ARHGEF10: variants seen among roughly 807,000 people sequenced by gnomAD.
The protein encoded by ARHGEF10 is Rho guanine nucleotide exchange factor 10, also known as Rho guanine nucleotide exchange factor (GEF) 10.
A neutral mutation model predicts 147.4 loss-of-function variants in ARHGEF10; 140 were observed. The ratio of observed to expected loss-of-function variants is 0.95; its 90% CI spans 0.83 to 1.09. The LOEUF (loss-of-function observed/expected upper bound fraction) is 1.09, where lower values mean the gene tolerates loss of function less well. Among genes scored for constraint, ARHGEF10 ranks in the 50% least tolerant of loss-of-function variants. The probability of loss-of-function intolerance (pLI) is 0.00; values close to 1 mark genes in which losing one functional copy is unlikely to be tolerated. For synonymous variants in ARHGEF10, 902 were observed against 695.8 expected (o/e 1.30, Z -4.67); for missense variants, 2,222 against 1,752.7 (o/e 1.27, Z -4.78).
At chr8:1,837,000 A>G (rs1005186539) in intron 1 of ARHGEF10, among the ~76,000 whole-genome samples, 4 of 152,222 alleles carry the variant, frequency 2.6e-5, no homozygotes, top group African/African-American at 4.8e-5. Flanking sequence ...TATAAGTCCA[A>G]TTAAAGCTCT....
intron 1 of ARHGEF10, among the ~76,000 whole-genome samples, chr8:1,835,095 A>G (rs4617201): frequency 0.59 from 90,304 of 152,210 alleles, 27,112 homozygotes; most frequent in Middle Eastern, 0.72. Flanking sequence ...GCACTGGGAC[A>G]TCCCACGCTC....
intron 7 of ARHGEF10, among the ~76,000 whole-genome samples, chr8:1,875,427 G>C (rs1298641563): frequency 6.6e-6 from 1 of 152,114 alleles, no homozygotes; most frequent in Non-Finnish European, 1.5e-5. Flanking sequence ...GCATGTGGGT[G>C]AGCTCTCAGG....
At chr8:1,946,228 C>T (rs191104978) in intron 27 of ARHGEF10, among the ~76,000 whole-genome samples, 37 of 152,310 alleles carry the variant, frequency 2.4e-4, no homozygotes, top group Middle Eastern at 3.4e-3. Flanking sequence ...CACGGGTAGC[C>T]GGAGGCCGCT....
intron 16 of ARHGEF10, chr8:1,904,096 CAA>C (rs773143745): frequency 1.4e-5 from 2 of 139,252 alleles, no homozygotes; most frequent in Non-Finnish European, 1.6e-5. Flanking sequence ...AACCCTGTTT[CAA>C]AAAAAAAAAA....
chr8:1,850,058 TGGGCCGGC>T lies in ARHGEF10; in HGVS notation c.37+6623_37+6630del, dbSNP rs1563173898. ...CAGAGGGCAAATGCTGAGGAGGGCGTGGGCCGGCTGCGTGGACACAGAGGGCAAATGCT... is the reference window on the plus strand; with the variant it reads ...CAGAGGGCAAATGCTGAGGAGGGCGTTGCGTGGACACAGAGGGCAAATGCT... On this transcript the variant is annotated intron_variant, in intron 2 of 28. Transcript: ENST00000349830. Among the ~76,000 whole-genome samples the T allele has an allele frequency of 1.0e-3, 110 of 104,992 alleles. 1 individual carries two copies. Among genetic ancestry groups the T allele is most frequent in the Non-Finnish European group, 1.4e-3 (72 of 49,768 alleles). The allele number at this position is 104,992 out of a possible 152,430, so 68.9% of individuals were successfully genotyped here.
At position 1,929,427 on chromosome 8, in the gene ARHGEF10, C is replaced by T; in HGVS notation, c.3063C>T (p.Ser1021=). The T allele has an allele frequency of 6.2e-7, 1 of 1,609,530 alleles. No homozygotes were observed. The highest frequency in any genetic ancestry group is 2.2e-5 in the East Asian group (1 of 44,820). ...YAGLVNGAVA[S]YARAPDGSWD... is the part of the protein sequence containing the mutation. ...GCCTGGTCAACGGGGCAGTCGCCAG[C>T]TACGCCAGAGCCCCAGGTGAGGCGG... Residue 1021 remains serine, a synonymous_variant, in exon 25 of 29, where the codon AGC becomes AGT. Transcript: ENST00000349830.
intron 26 of ARHGEF10, among the ~76,000 whole-genome samples, chr8:1,939,500 C>T (rs138678660): frequency 1.3e-5 from 2 of 152,222 alleles, no homozygotes; most frequent in East Asian, 1.9e-4. Flanking sequence ...CACAGTGAGC[C>T]GAAATCCAGG....
At chr8:1,898,549 T>G (rs781756033) in intron 15 of ARHGEF10, 24 bp downstream of exon 15, 1 of 1,603,916 alleles carries the variant, frequency 6.2e-7, no homozygotes, top group South Asian at 1.1e-5. Context: ...GGAGACCTCC[T>G]CAAGCTAGTC....
intron 25 of ARHGEF10, among the ~76,000 whole-genome samples, chr8:1,930,749 A>ACGGCCCCTCCTTCTCCCGTGTGGTTC (rs1813066661): frequency 6.6e-6 from 1 of 152,048 alleles, no homozygotes; most frequent in Non-Finnish European, 1.5e-5. Context: ...CTCCACGGGG[A>ACGGCCCCTCCTTCTCCCGTGTGGTTC]CGGCCCCTCC....
In ARHGEF10 at chr8:1,928,610, T is replaced by G. The variant is rs372954109; in HGVS notation, c.2881T>G (p.Ser961Ala). 1.7e-5 allele frequency: 27 copies of G among 1,613,926 alleles called. No homozygotes were observed. In the Middle Eastern group the frequency reaches 6.6e-4, roughly 39 times the overall value. Residue 961 changes from serine (S) to alanine (A), a missense_variant, in exon 24 of 29, where the codon TCT (serine) becomes GCT (alanine). Ser to Ala is a moderately conservative substitution (Grantham distance 99). Transcript: ENST00000349830. Reference protein sequence around the residue: ...PDPETPAVRASDVPTICVGTE... With the variant: ...PDPETPAVRAADVPTICVGTE... ...CCCCGAGACCCCGGCCGTGAGAGCTTCTGATGTCCCCACGATCTGTGTAGG... is the reference window on the plus strand; with the variant it reads ...CCCCGAGACCCCGGCCGTGAGAGCTGCTGATGTCCCCACGATCTGTGTAGG...
At chr8:1,895,546 A>G (rs1348813836) in intron 13 of ARHGEF10, among the ~76,000 whole-genome samples, 7 of 151,998 alleles carry the variant, frequency 4.6e-5, no homozygotes, top group Admixed American at 6.6e-5. Context: ...GAAATATTGG[A>G]TATTTATTTT....
At chr8:1,823,565 A>G (rs533791755), upstream of ARHGEF10, among the ~76,000 whole-genome samples, 1 of 151,990 alleles carries the variant, frequency 6.6e-6, no homozygotes, top group African/African-American at 2.4e-5. Context: ...CACCCTCCCC[A>G]AGGGGCGCAG....
intron 27 of ARHGEF10, among the ~76,000 whole-genome samples, chr8:1,950,963 C>T (rs1814995827): frequency 6.6e-6 from 1 of 152,166 alleles, no homozygotes; most frequent in Non-Finnish European, 1.5e-5. Flanking sequence ...CACGCAGCCG[C>T]AGCCTTGCCC....
In ARHGEF10 at chr8:1,957,448, A is replaced by G. The variant is rs1027222326; in HGVS notation, c.*185A>G. 1.9e-5 allele frequency: 16 copies of G among 826,184 alleles called. No homozygotes were observed. Among genetic ancestry groups the G allele is most frequent in the Admixed American group, 2.8e-5 (1 of 35,800 alleles). The allele number at this position is 826,184 out of a possible 1,614,324, so 51.2% of individuals were successfully genotyped here. A position where few individuals can be genotyped will look rare whatever the true frequency, so the allele number is the denominator to read the frequency against. ...CCAATTCCTTCCTTCTCTTCTGTAC[A>G]GCAGAAGTAATTACAAGCACTTCTC... is the stretch of plus-strand genomic sequence containing the variant. On this transcript the variant is annotated 3_prime_UTR_variant, in exon 29 of 29. Coordinates refer to ENST00000349830, the MANE Select transcript of ARHGEF10 (RefSeq NM_014629.4).
At chr8:1,911,836 A>G (rs1261335394) in intron 18 of ARHGEF10, among the ~76,000 whole-genome samples, 2 of 152,136 alleles carry the variant, frequency 1.3e-5, no homozygotes, top group Non-Finnish European at 2.9e-5. Flanking sequence ...CCACATCTCC[A>G]TGGGGCTGCC....
Position 1,929,430 on chromosome 8 carries a change from C to T in ARHGEF10, c.3066C>T (p.Tyr1022=), listed in dbSNP as rs768974566. ...TGGTCAACGGGGCAGTCGCCAGCTA[C>T]GCCAGAGCCCCAGGTGAGGCGGGTC... ...AGLVNGAVAS[Y]ARAPDGSWDS... Residue 1022 remains tyrosine (Y), a synonymous_variant, in exon 25 of 29, where the codon TAC becomes TAT. Transcript: ENST00000349830. The T allele has an allele frequency of 1.7e-5, 27 of 1,608,518 alleles. No individual in the cohort carries two copies. The highest frequency in any genetic ancestry group is 7.7e-5 in the South Asian group (7 of 90,650).
chr8:1,842,223 T>C (rs953240240), intron 1 of ARHGEF10, among the ~76,000 whole-genome samples: 45 of 151,706 alleles, frequency 3.0e-4, no homozygotes, highest in African/African-American at 1.0e-3. Flanking sequence ...GGGCGGGCAC[T>C]GGGCTGGGAA....
At chr8:1,902,170 C>A (rs1026869760) in intron 15 of ARHGEF10, among the ~76,000 whole-genome samples, 55 of 151,462 alleles carry the variant, frequency 3.6e-4, no homozygotes, top group African/African-American at 1.3e-3. Flanking sequence ...CCGCAACAGG[C>A]CCCGGTGTGT....
chr8:1,861,678 AAC>A (rs1271635466), intron 4 of ARHGEF10, among the ~76,000 whole-genome samples: 2 of 152,180 alleles, frequency 1.3e-5, no homozygotes, highest in Non-Finnish European at 2.9e-5. Flanking sequence ...GATTTTGGGA[AAC>A]ACAGAGGTTT....
Sources: gnomAD v4.1 joint callset for allele counts (sites outside exome capture counted in the v4.1 genomes callset) on GRCh38, gnomAD v4.1.1 for gene constraint, MANE v1.5 for transcripts, NCBI Gene and HGNC (gene_info 2026-07-23, HGNC 2026-07-21) for gene names.